ZC3H13: variants seen among roughly 807,000 people sequenced by gnomAD.
ZC3H13 encodes the protein zinc finger CCCH domain-containing protein 13.
ZC3H13 carries 64 observed loss-of-function variants against 204.1 expected under a neutral mutation model. That is an observed-to-expected ratio of 0.31 (90% CI 0.26 to 0.39). ZC3H13 has a LOEUF of 0.39. ZC3H13 is among the 10% of genes least tolerant of loss of function. The pLI is 1.00. For missense variants in ZC3H13, 1,833 were observed against 2,082.7 expected (o/e 0.88, Z 2.33); for synonymous variants, 667 against 693.7 (o/e 0.96, Z 0.60).
chr13:46,029,498 G>C (rs1043556415), intron 4 of ZC3H13, among the ~76,000 whole-genome samples: 1 of 146,810 alleles, frequency 6.8e-6, no homozygotes, highest in Admixed American at 6.9e-5. Context: ...GCGCGATCTC[G>C]GCTCACTGCA....
intron 5 of ZC3H13, among the ~76,000 whole-genome samples, chr13:46,012,287 C>T (rs902016270): frequency 8.1e-5 from 12 of 147,890 alleles, no homozygotes; most frequent in Admixed American, 6.1e-4. Context: ...ATAGAAGTTG[C>T]TGGCACTAGC....
chr13:46,047,735 T>C (rs1397796879), intron 1 of ZC3H13, among the ~76,000 whole-genome samples: 1 of 152,222 alleles, frequency 6.6e-6, no homozygotes, highest in East Asian at 1.9e-4. Context: ...TATAAGAAGT[T>C]TGAGAAAAAC....
Position 45,975,467 on chromosome 13 carries a change from GCTCT to G in ZC3H13, c.2280_2283del (p.Arg760SerfsTer104). 6.2e-7 allele frequency: 1 copy of G among 1,607,602 alleles called. No homozygotes were observed. The highest frequency in any genetic ancestry group is 8.5e-7 in the Non-Finnish European group (1 of 1,177,850). On this transcript the variant is annotated frameshift_variant, in exon 12 of 19. Transcript: ENST00000679008. LOFTEE classifies it high-confidence loss of function. ...CGCTCTCGCTCTCTCTCCCGTTCTC[GCTCT>G]CTCTCCCTCTCTCTCTCTTCTCTTT... is the stretch of plus-strand genomic sequence containing the variant.
intron 4 of ZC3H13, among the ~76,000 whole-genome samples, chr13:46,030,212 C>G (rs2042808399): frequency 6.6e-6 from 1 of 152,106 alleles, no homozygotes; most frequent in Non-Finnish European, 1.5e-5. Context: ...AAATTAGAAA[C>G]AGCGGCGAAT....
chr13:46,019,436 A>AG (rs2042095420), intron 5 of ZC3H13, among the ~76,000 whole-genome samples: 1 of 152,156 alleles, frequency 6.6e-6, no homozygotes, highest in South Asian at 2.1e-4. Context: ...TCACTGAAAA[A>AG]GTTGCTTAAA....
At chr13:46,048,580 C>CAA (rs56753264) in intron 1 of ZC3H13, among the ~76,000 whole-genome samples, 4,044 of 37,946 alleles carry the variant, frequency 0.11, 647 homozygotes, top group African/African-American at 0.13. Flanking sequence ...GACTCCGCCT[C>CAA]AAAAAAAAAA....
In ZC3H13 at chr13:45,983,420, T is replaced by A. The variant is rs1439428597; in HGVS notation, c.1720+1877A>T. Among the ~76,000 whole-genome samples, 145 of 64,944 alleles carry A rather than the reference T, an allele frequency of 2.2e-3. 5 individuals are homozygous for A. Among genetic ancestry groups the A allele is most frequent in the African/African-American group, 6.4e-3 (71 of 11,036 alleles). 42.6% of individuals were successfully genotyped at this position (64,944 alleles called of 152,430 possible). On this transcript the variant is annotated intron_variant, in intron 10 of 18. Transcript: ENST00000679008. ...TTCTACTTATATATATATATTTTTTTTTTTTTTTTTTTTTTTTTTTTTTTG... is the reference window on the plus strand; with the variant it reads ...TTCTACTTATATATATATATTTTTTATTTTTTTTTTTTTTTTTTTTTTTTG...
chr13:45,967,777 C>T lies in ZC3H13; in HGVS notation c.4048G>A (p.Asp1350Asn). 1 of 1,611,334 alleles carries T rather than the reference C, an allele frequency of 6.2e-7. No individual in the cohort carries two copies. Among genetic ancestry groups the T allele is most frequent in the Non-Finnish European group, 8.5e-7 (1 of 1,178,458 alleles). Residue 1350 changes from aspartate (D) to asparagine (N), a missense_variant, in exon 15 of 19, where the codon GAC (aspartate) becomes AAC (asparagine). Physicochemically the swap from Asp to Asn is conservative, Grantham distance 23. Transcript: ENST00000679008. Reference protein sequence around the residue: ...LRERERERERDKRRDLDRERE... With the variant: ...LRERERERERNKRRDLDRERE... ...TCCCTATCCAAGTCTCTCCTTTTGT[C>T]TCGTTCTCTCTCTCGTTCTCGTTCT...
intron 1 of ZC3H13, among the ~76,000 whole-genome samples, chr13:46,050,391 A>C (rs2044319252): frequency 6.6e-6 from 1 of 152,134 alleles, no homozygotes; most frequent in African/African-American, 2.4e-5. Flanking sequence ...TTCAATCCAT[A>C]ATTAATTATC....
chr13:45,972,784 G>A (rs1342468400), intron 12 of ZC3H13, among the ~76,000 whole-genome samples: 2 of 152,170 alleles, frequency 1.3e-5, no homozygotes, highest in African/African-American at 2.4e-5. Context: ...TATGACAAGA[G>A]AATGTGGTGA....
chr13:45,990,324 TG>T (rs2039880562), intron 8 of ZC3H13, among the ~76,000 whole-genome samples: 1 of 152,188 alleles, frequency 6.6e-6, no homozygotes, highest in South Asian at 2.1e-4. Context: ...TGTTTATAAA[TG>T]ATGCCTTAGT....
At chr13:46,015,349 T>C (rs74075312) in intron 5 of ZC3H13, among the ~76,000 whole-genome samples, 3 of 152,302 alleles carry the variant, frequency 2.0e-5, no homozygotes, top group African/African-American at 7.2e-5. Context: ...CTTTTTCTTA[T>C]GTATTTGTAG....
At chr13:46,018,295 T>C (rs2042031515) in intron 5 of ZC3H13, among the ~76,000 whole-genome samples, 1 of 152,128 alleles carries the variant, frequency 6.6e-6, no homozygotes, top group Non-Finnish European at 1.5e-5. Flanking sequence ...GTCAGAAGAC[T>C]GAATAATAAG....
intron 8 of ZC3H13, among the ~76,000 whole-genome samples, chr13:45,999,117 G>GT (rs1481436168): frequency 6.6e-6 from 1 of 152,150 alleles, no homozygotes; most frequent in Non-Finnish European, 1.5e-5. Flanking sequence ...ACGCAAGCCT[G>GT]TAAGCCCAGC....
intron 10 of ZC3H13, among the ~76,000 whole-genome samples, chr13:45,983,302 A>G (rs1009787650): frequency 6.7e-6 from 1 of 149,436 alleles, no homozygotes; most frequent in Non-Finnish European, 1.5e-5. Context: ...TCCTTAACAC[A>G]ATAAAAAGTA....
intron 1 of ZC3H13, 51 bp downstream of exon 1, chr13:46,052,353 G>A: frequency 2.5e-6 from 1 of 395,034 alleles, no homozygotes; most frequent in Non-Finnish European, 4.5e-6. Context: ...CGCATTACGG[G>A]TCCGCTCAAT....
chr13:46,019,466 T>C (rs1480114545), intron 5 of ZC3H13, among the ~76,000 whole-genome samples: 1 of 152,192 alleles, frequency 6.6e-6, no homozygotes, highest in Admixed American at 6.5e-5. Flanking sequence ...TCTTTAGTTT[T>C]GTCATCTGTA....
chr13:45,993,187 C>A (rs2040087804), intron 8 of ZC3H13, among the ~76,000 whole-genome samples: 1 of 152,004 alleles, frequency 6.6e-6, no homozygotes, highest in Admixed American at 6.6e-5. Context: ...TACAAAAGGA[C>A]AACAAAATAG....
intron 1 of ZC3H13, among the ~76,000 whole-genome samples, chr13:46,047,885 T>A (rs1431491089): frequency 1.3e-5 from 1 of 77,536 alleles, no homozygotes; most frequent in Non-Finnish European, 2.5e-5. Context: ...TATGTAGAAC[T>A]TAGAAAACAG....
Sources: gnomAD v4.1 joint callset for allele counts (sites outside exome capture counted in the v4.1 genomes callset) on GRCh38, gnomAD v4.1.1 for gene constraint, MANE v1.5 for transcripts, NCBI Gene and HGNC (gene_info 2026-07-23, HGNC 2026-07-21) for gene names.